The following SUMF1 variants were observed in gnomAD, a reference collection of about 807,000 sequenced individuals.
The protein encoded by SUMF1 is sulfatase modifying factor 1.
SUMF1 carries 48 observed loss-of-function variants against 47.6 expected under a neutral mutation model. The ratio of observed to expected loss-of-function variants is 1.01; its 90% CI spans 0.80 to 1.28. The LOEUF (loss-of-function observed/expected upper bound fraction) is 1.28. SUMF1 is among the 50% of genes most tolerant of loss of function. SUMF1 has a pLI of 0.00. For missense variants in SUMF1, 571 were observed against 485.4 expected, an observed-to-expected ratio of 1.18 and a Z score of -1.66; for synonymous variants, 230 against 192.1, an observed-to-expected ratio of 1.20 and a Z score of -1.63.
chr3:4,096,688 A>G (rs574924391), intron 8 of SUMF1, among the ~76,000 whole-genome samples: 1 of 152,292 alleles, frequency 6.6e-6, no homozygotes, highest in Non-Finnish European at 1.5e-5. Flanking sequence ...AGGAGGAGAC[A>G]TGAATCTGTA....
At position 4,267,996 on chromosome 3, in the gene SUMF1, A is replaced by T. The variant is rs1464711306; in HGVS notation, c.1014+108334T>A. On this transcript the variant is annotated intron_variant and NMD_transcript_variant, in intron 8 of 12. Coordinates refer to the SUMF1 transcript ENST00000448413. ...GACTTGGAACCAACCCAAATGTCCA[A>T]CAATGATAGACTGGATTAAGAAAAT... 1.3e-4 allele frequency among the ~76,000 whole-genome samples: 8 copies of T among 62,388 alleles called. No homozygotes were observed. The South Asian group carries it at 2.8e-3, about 22-fold the overall frequency. The allele number at this position is 62,388 out of a possible 152,430, so 40.9% of individuals were successfully genotyped here.
intron 8 of SUMF1, among the ~76,000 whole-genome samples, chr3:4,277,222 T>C (rs917416897): frequency 6.6e-6 from 1 of 152,088 alleles, no homozygotes; most frequent in Admixed American, 6.6e-5. Context: ...ATTGATATAG[T>C]CTAATCACAT....
chr3:4,455,399 C>T (rs1415708318), intron 1 of SUMF1, among the ~76,000 whole-genome samples: 2 of 152,104 alleles, frequency 1.3e-5, no homozygotes, highest in East Asian at 1.9e-4. Flanking sequence ...AGACTGATAA[C>T]AAATAAGGAA....
intron 9 of SUMF1, among the ~76,000 whole-genome samples, chr3:4,056,746 T>G (rs1695198109): frequency 6.6e-6 from 1 of 152,058 alleles, no homozygotes; most frequent in Admixed American, 6.6e-5. Flanking sequence ...TAATTTTTTT[T>G]ATTTATTTTT....
intron 3 of SUMF1, among the ~76,000 whole-genome samples, chr3:4,436,435 A>G (rs759200837): frequency 3.2e-4 from 49 of 152,214 alleles, no homozygotes; most frequent in Non-Finnish European, 5.6e-4. Context: ...AGACATAGAT[A>G]TAGATATAAA....
intron 8 of SUMF1, among the ~76,000 whole-genome samples, chr3:4,229,095 G>A (rs1696240143): frequency 6.6e-6 from 1 of 152,104 alleles, no homozygotes; most frequent in African/African-American, 2.4e-5. Context: ...TAGCCTCCAG[G>A]AATATAAACT....
intron 9 of SUMF1, among the ~76,000 whole-genome samples, chr3:4,041,610 C>A (rs1380291481): frequency 2.0e-5 from 3 of 152,116 alleles, no homozygotes; most frequent in African/African-American, 7.2e-5. Context: ...ACAGACCAGA[C>A]ACAAGTTGGG....
intron 8 of SUMF1, among the ~76,000 whole-genome samples, chr3:4,069,496 C>G (rs776170868): frequency 4.6e-5 from 7 of 152,150 alleles, no homozygotes; most frequent in Non-Finnish European, 1.0e-4. Context: ...AGAGGAGATA[C>G]AGGTAACATG....
At chr3:4,129,682 G>A (rs1280662735) in intron 8 of SUMF1, among the ~76,000 whole-genome samples, 1 of 152,152 alleles carries the variant, frequency 6.6e-6, no homozygotes, top group Non-Finnish European at 1.5e-5. Flanking sequence ...TGTGCATTGG[G>A]AAAGGGAAAT....
At chr3:4,456,963 T>C (rs548469773) in intron 1 of SUMF1, among the ~76,000 whole-genome samples, 16 of 145,788 alleles carry the variant, frequency 1.1e-4, no homozygotes, top group African/African-American at 3.3e-4. Context: ...CGTGTGTGTA[T>C]ATATATACGT....
chr3:4,246,164 T>G (rs887592465), intron 8 of SUMF1, among the ~76,000 whole-genome samples: 32 of 152,142 alleles, frequency 2.1e-4, no homozygotes, highest in African/African-American at 7.0e-4. Flanking sequence ...TTACAGTCAC[T>G]CATGGCTTCC....
intron 7 of SUMF1, among the ~76,000 whole-genome samples, chr3:4,395,821 G>C (rs528990152): frequency 6.6e-6 from 1 of 152,244 alleles, no homozygotes; most frequent in Non-Finnish European, 1.5e-5. Context: ...CTTGCTCCTG[G>C]AGTAATACAT....
rs574076351 is a variant in SUMF1 at position 4,412,883 on chromosome 3, C to T, written c.841-1905G>A. Among the ~76,000 whole-genome samples the T allele has an allele frequency of 1.2e-3, 184 of 152,156 alleles. 2 individuals are homozygous for T. The highest frequency in any genetic ancestry group is 4.2e-3 in the African/African-American group (173 of 41,504). ...CAGGCTGGGTGACACAGCGAGATTA[C>T]GTCTCAAACAAACAAACAAAAACAG... On this transcript the variant is annotated intron_variant, in intron 6 of 8. Transcript: ENST00000272902.
intron 8 of SUMF1, among the ~76,000 whole-genome samples, chr3:4,136,961 G>T (rs1051563476): frequency 9.2e-5 from 14 of 152,094 alleles, no homozygotes; most frequent in Non-Finnish European, 1.8e-4. Context: ...TCATTAAAAA[G>T]TCAAGAAACA....
intron 8 of SUMF1, among the ~76,000 whole-genome samples, chr3:4,180,184 C>T (rs78643210): frequency 0.34 from 51,355 of 151,924 alleles, 8,817 homozygotes; most frequent in East Asian, 0.4. Context: ...CCCAGCAATC[C>T]CATTACTGGG....
intron 7 of SUMF1, among the ~76,000 whole-genome samples, chr3:4,390,951 T>G (rs950858908): frequency 6.6e-6 from 1 of 152,178 alleles, no homozygotes; most frequent in Non-Finnish European, 1.5e-5. Flanking sequence ...AAAATGTACA[T>G]CTACTCCATC....
chr3:4,260,056 A>G (rs1261277545), intron 8 of SUMF1, among the ~76,000 whole-genome samples: 2 of 152,128 alleles, frequency 1.3e-5, no homozygotes, highest in African/African-American at 4.8e-5. Flanking sequence ...ATCTAGTTCA[A>G]TAATTCAGGA....
intron 8 of SUMF1, among the ~76,000 whole-genome samples, chr3:4,288,183 C>T (rs1010931586): frequency 1.3e-5 from 2 of 152,126 alleles, no homozygotes; most frequent in African/African-American, 4.8e-5. Flanking sequence ...TTAATTGCTT[C>T]ATCACTGGTA....
chr3:4,302,245 G>C (rs1380239193), intron 8 of SUMF1, among the ~76,000 whole-genome samples: 1 of 152,140 alleles, frequency 6.6e-6, no homozygotes, highest in Non-Finnish European at 1.5e-5. Flanking sequence ...ACACATTTTA[G>C]GGAGACATAA....
Sources: allele counts gnomAD v4.1 joint callset (sites outside exome capture counted in the v4.1 genomes callset), GRCh38; gene constraint gnomAD v4.1.1; transcripts MANE v1.5; gene names NCBI Gene and HGNC (gene_info 2026-07-23, HGNC 2026-07-21).